The following GLCCI1 variants were observed in gnomAD, a reference collection of about 807,000 sequenced individuals.
GLCCI1 encodes glucocorticoid induced 1, also known as glucocorticoid-induced transcript 1 protein.
GLCCI1 carries 24 observed loss-of-function variants against 52.2 expected under a neutral mutation model. The observed-to-expected ratio is 0.46, with a 90% CI of 0.33 to 0.65. The LOEUF (loss-of-function observed/expected upper bound fraction) is 0.65, where lower values mean the gene tolerates loss of function less well. Among genes scored for constraint, GLCCI1 ranks in the 30% least tolerant of loss-of-function variants. The probability of loss-of-function intolerance (pLI) is 0.02; values close to 1 mark genes in which losing one functional copy is unlikely to be tolerated. For missense variants in GLCCI1, 704 were observed against 701.5 expected (o/e 1.00, Z -0.04); for synonymous variants, 310 against 276.5 (o/e 1.12, Z -1.20).
chr7:8,042,381 T>C (rs1367155203), intron 3 of GLCCI1, among the ~76,000 whole-genome samples: 2 of 152,158 alleles, frequency 1.3e-5, no homozygotes, highest in Non-Finnish European at 2.9e-5. Context: ...TGTGATTCAT[T>C]GGAGGATTTC....
At chr7:8,066,117 C>G (rs1782625992) in intron 5 of GLCCI1, among the ~76,000 whole-genome samples, 1 of 152,068 alleles carries the variant, frequency 6.6e-6, no homozygotes, top group Admixed American at 6.5e-5. Context: ...CTTCCTGGTT[C>G]AGTCTTGGGA....
Position 8,024,261 on chromosome 7 carries a change from A to G in GLCCI1, c.696+1692A>G, listed in dbSNP as rs111232513. ...GCATGATTTTACTTATGATTGTATT[A>G]CATTTTAGCAGCTTCTTTATAGTAT... is the stretch of plus-strand genomic sequence containing the variant. On this transcript the variant is annotated intron_variant, in intron 3 of 7. Transcript: ENST00000223145. Among the ~76,000 whole-genome samples the G allele has an allele frequency of 2.4e-3, 371 of 152,304 alleles. 3 individuals carry two copies. Among genetic ancestry groups the G allele is most frequent in the African/African-American group, 8.2e-3 (339 of 41,572 alleles).
intron 2 of GLCCI1, among the ~76,000 whole-genome samples, chr7:8,007,114 C>G (rs1781167371): frequency 6.6e-6 from 1 of 152,160 alleles, no homozygotes; most frequent in African/African-American, 2.4e-5. Context: ...AGAGGAATTT[C>G]TCCTGAATTT....
At chr7:8,008,930 T>C (rs1236181617) in intron 2 of GLCCI1, among the ~76,000 whole-genome samples, 1 of 152,144 alleles carries the variant, frequency 6.6e-6, no homozygotes, top group African/African-American at 2.4e-5. Flanking sequence ...TTGAAATTTT[T>C]ATTAGTAAAA....
At chr7:7,991,466 C>T in intron 1 of GLCCI1, among the ~76,000 whole-genome samples, 1 of 152,056 alleles carries the variant, frequency 6.6e-6, no homozygotes, top group Non-Finnish European at 1.5e-5. Flanking sequence ...ATACACCTAT[C>T]TAAATACATT....
chr7:8,044,197 A>G (rs4256496), intron 3 of GLCCI1, among the ~76,000 whole-genome samples: 86,177 of 151,708 alleles, frequency 0.57, 24,646 homozygotes, highest in Middle Eastern at 0.64. Context: ...CACCTGCGTC[A>G]GCCTCCCAAA....
At chr7:8,059,874 T>G (rs1414253735) in intron 4 of GLCCI1, among the ~76,000 whole-genome samples, 1 of 152,246 alleles carries the variant, frequency 6.6e-6, no homozygotes, top group African/African-American at 2.4e-5. Context: ...ACCTTTATAC[T>G]TACATAAAGG....
intron 6 of GLCCI1, among the ~76,000 whole-genome samples, chr7:8,079,153 G>A (rs1465507647): frequency 6.6e-6 from 1 of 151,756 alleles, no homozygotes; most frequent in Admixed American, 6.6e-5. Context: ...AAAGATAAAA[G>A]GTAAATATGT....
At chr7:7,995,386 T>A (rs1467121044) in intron 1 of GLCCI1, among the ~76,000 whole-genome samples, 3 of 152,160 alleles carry the variant, frequency 2.0e-5, no homozygotes, top group Non-Finnish European at 4.4e-5. Flanking sequence ...AGCATGTGCC[T>A]GTAGCCCCAA....
At chr7:8,072,856 A>T (rs1451606070) in intron 6 of GLCCI1, among the ~76,000 whole-genome samples, 1 of 152,152 alleles carries the variant, frequency 6.6e-6, no homozygotes, top group Non-Finnish European at 1.5e-5. Flanking sequence ...TAATTGAGAG[A>T]TGCTGAACCA....
chr7:8,039,171 C>T (rs1583991780), intron 3 of GLCCI1, among the ~76,000 whole-genome samples: 1 of 152,116 alleles, frequency 6.6e-6, no homozygotes, highest in African/African-American at 2.4e-5. Context: ...ATTACTACAA[C>T]CTCTATGCAA....
chr7:8,083,846 T>C (rs1437626319), intron 6 of GLCCI1, among the ~76,000 whole-genome samples: 1 of 152,224 alleles, frequency 6.6e-6, no homozygotes, highest in African/African-American at 2.4e-5. Flanking sequence ...TATAACTTCA[T>C]TAATGATGAT....
At chr7:7,997,113 C>T (rs1780952219) in intron 1 of GLCCI1, among the ~76,000 whole-genome samples, 1 of 152,084 alleles carries the variant, frequency 6.6e-6, no homozygotes, top group South Asian at 2.1e-4. Context: ...AGTAATAATT[C>T]TATTGGATGA....
At chr7:8,007,764 T>C (rs1210768618) in intron 2 of GLCCI1, among the ~76,000 whole-genome samples, 1 of 148,962 alleles carries the variant, frequency 6.7e-6, no homozygotes, top group African/African-American at 2.4e-5. Context: ...TTCTTCCTTT[T>C]ATATTTCTGT....
At chr7:7,983,544 C>G (rs1320713388) in intron 1 of GLCCI1, among the ~76,000 whole-genome samples, 1 of 152,126 alleles carries the variant, frequency 6.6e-6, no homozygotes, top group African/African-American at 2.4e-5. Context: ...AATAGCATGT[C>G]ATTTTTAGTA....
intron 1 of GLCCI1, among the ~76,000 whole-genome samples, chr7:7,978,579 A>G (rs1300462018): frequency 1.3e-5 from 2 of 152,294 alleles, no homozygotes; most frequent in East Asian, 3.9e-4. Flanking sequence ...ATAGTAGTTA[A>G]TGTGGAAACG....
chr7:8,055,697 A>G (rs1239968634), intron 4 of GLCCI1, 148 bp downstream of exon 4: 1 of 582,648 alleles, frequency 1.7e-6, no homozygotes, highest in Non-Finnish European at 3.0e-6. Context: ...ATTGTTAGAA[A>G]GCAGCCGGGC....
chr7:8,072,353 G>C (rs1158213083), intron 6 of GLCCI1, among the ~76,000 whole-genome samples: 2 of 152,146 alleles, frequency 1.3e-5, no homozygotes, highest in African/African-American at 4.8e-5. Context: ...GATCTTAACA[G>C]TTCTCCCCTT....
intron 1 of GLCCI1, among the ~76,000 whole-genome samples, chr7:7,996,196 G>C (rs1289717116): frequency 6.6e-6 from 1 of 151,998 alleles, no homozygotes; most frequent in African/African-American, 2.4e-5. Flanking sequence ...TGTTTTTGTA[G>C]TTGCTAATAC....
Sources: gnomAD v4.1 joint callset for allele counts (sites outside exome capture counted in the v4.1 genomes callset) on GRCh38, gnomAD v4.1.1 for gene constraint, MANE v1.5 for transcripts, NCBI Gene and HGNC (gene_info 2026-07-23, HGNC 2026-07-21) for gene names.